VTA1: variants seen among roughly 807,000 people sequenced by gnomAD.
VTA1 encodes vesicle trafficking 1.
VTA1 carries 24 observed loss-of-function variants against 36.9 expected under a neutral mutation model. The observed-to-expected ratio is 0.65, with a 90% CI of 0.47 to 0.91. VTA1 has a LOEUF of 0.91. Among genes scored for constraint, VTA1 ranks in the 40% least tolerant of loss-of-function variants. The probability of loss-of-function intolerance (pLI) is 0.00; values close to 1 mark genes in which losing one functional copy is unlikely to be tolerated. For missense variants in VTA1, 393 were observed against 377.2 expected (o/e 1.04, Z -0.35); for synonymous variants, 142 against 130.2 (o/e 1.09, Z -0.62).
At chr6:142,152,610 G>A (rs1463311347) in intron 1 of VTA1, among the ~76,000 whole-genome samples, 2 of 151,924 alleles carry the variant, frequency 1.3e-5, no homozygotes, top group Non-Finnish European at 2.9e-5. Flanking sequence ...AGTACTTTTT[G>A]TATTTTAAAA....
intron 4 of VTA1, among the ~76,000 whole-genome samples, chr6:142,177,959 G>A (rs1396993851): frequency 6.6e-6 from 1 of 152,098 alleles, no homozygotes; most frequent in Non-Finnish European, 1.5e-5. Context: ...GTATTTGGGA[G>A]TCTAACATGT....
rs1030731369 is a variant in VTA1, at chr6:142,204,237, G to A, written c.778+172G>A. 2.1e-4 allele frequency among the ~76,000 whole-genome samples: 32 copies of A among 152,076 alleles called. 1 individual carries two copies. Among genetic ancestry groups the A allele is most frequent in the Non-Finnish European group, 2.9e-5 (2 of 67,994 alleles). ...TTATGTTCACTAGATTCTCAAATGA[G>A]CCAGGATTGTTTGACTTTAAAAATA... On this transcript the variant is annotated intron_variant, in intron 7 of 7. Transcript: ENST00000367630.
intron 1 of VTA1, among the ~76,000 whole-genome samples, chr6:142,147,853 A>G (rs931829547): frequency 6.6e-6 from 1 of 152,260 alleles, no homozygotes; most frequent in Non-Finnish European, 1.5e-5. Flanking sequence ...AAGCCCAATC[A>G]GAAACTCATT....
At chr6:142,162,991 A>G (rs763339645) in intron 1 of VTA1, among the ~76,000 whole-genome samples, 3 of 152,202 alleles carry the variant, frequency 2.0e-5, no homozygotes, top group Non-Finnish European at 4.4e-5. Flanking sequence ...GAGAGCACAT[A>G]AAATTGTTGG....
In VTA1 at chr6:142,190,047, G is replaced by A. The variant is rs760116275; in HGVS notation, c.520+513G>A. On this transcript the variant is annotated intron_variant, in intron 5 of 7. Transcript: ENST00000367630. ...GCTGGGATTACAGGCGTGAGCCACC[G>A]TACCTGGCCTCCTACTTTTAATCAG... Among the ~76,000 whole-genome samples the A allele has an allele frequency of 5.3e-5, 8 of 152,092 alleles. 1 individual carries two copies. The South Asian group carries it at 6.2e-4, about 12-fold the overall frequency.
intron 4 of VTA1, among the ~76,000 whole-genome samples, chr6:142,177,894 A>G (rs763826842): frequency 6.6e-6 from 1 of 152,146 alleles, no homozygotes; most frequent in Middle Eastern, 3.2e-3. Context: ...TGGCTTATAT[A>G]TTTACTTTGT....
intron 4 of VTA1, among the ~76,000 whole-genome samples, chr6:142,179,813 G>A (rs921249507): frequency 1.3e-5 from 2 of 152,204 alleles, no homozygotes; most frequent in Admixed American, 1.3e-4. Context: ...TTATTGATAG[G>A]TTTGGTTTAT....
chr6:142,147,482 G>A, intron 1 of VTA1, 83 bp downstream of exon 1: 1 of 1,367,796 alleles, frequency 7.3e-7, no homozygotes, highest in Non-Finnish European at 1.0e-6. Flanking sequence ...CTTGGGGCAT[G>A]CCCCGCCCCC....
chr6:142,147,695 GCTT>G (rs1174026144), intron 1 of VTA1, among the ~76,000 whole-genome samples: 1 of 152,250 alleles, frequency 6.6e-6, no homozygotes, highest in Non-Finnish European at 1.5e-5. Context: ...ACACACAAGA[GCTT>G]CTTGTCTCAA....
In VTA1 at chr6:142,219,214, T is replaced by G. The variant is rs1450043707; in HGVS notation, c.*571T>G. The G allele has an allele frequency of 2.0e-5, 3 of 152,186 alleles. No individual in the cohort carries two copies. The highest frequency in any genetic ancestry group is 2.0e-4 in the Admixed American group (3 of 15,280). 9.4% of individuals were successfully genotyped at this position (152,186 alleles called of 1,614,324 possible). A position where few individuals can be genotyped will look rare whatever the true frequency, so the allele number is the denominator to read the frequency against. ...TATAACTCCATTAAAAGTTTAAAATTTCATGGGAGAAAATATAATAAGGTA... is the reference window on the plus strand; with the variant it reads ...TATAACTCCATTAAAAGTTTAAAATGTCATGGGAGAAAATATAATAAGGTA... On this transcript the variant is annotated 3_prime_UTR_variant, in exon 8 of 8. Transcript: ENST00000367630.
chr6:142,165,137 C>T (rs1050183321), intron 1 of VTA1, among the ~76,000 whole-genome samples: 2 of 152,136 alleles, frequency 1.3e-5, no homozygotes, highest in Admixed American at 6.5e-5. Flanking sequence ...AAATATCTAA[C>T]AGTTTTTTAG....
intron 5 of VTA1, among the ~76,000 whole-genome samples, chr6:142,191,783 A>G (rs1158276510): frequency 6.6e-6 from 1 of 152,112 alleles, no homozygotes; most frequent in Non-Finnish European, 1.5e-5. Context: ...CTATATATCT[A>G]CAAGATATAA....
chr6:142,163,118 T>C (rs1412516250), intron 1 of VTA1, among the ~76,000 whole-genome samples: 2 of 152,166 alleles, frequency 1.3e-5, no homozygotes, highest in Non-Finnish European at 2.9e-5. Flanking sequence ...GGATTTACTC[T>C]TTCATGTAAA....
chr6:142,170,545 G>T, intron 4 of VTA1, 124 bp downstream of exon 4: 1 of 620,504 alleles, frequency 1.6e-6, no homozygotes. Context: ...AGCAAAAAAT[G>T]TAATTTTGCA....
At chr6:142,196,459 T>C (rs1775553622) in intron 5 of VTA1, among the ~76,000 whole-genome samples, 1 of 152,218 alleles carries the variant, frequency 6.6e-6, no homozygotes, top group Non-Finnish European at 1.5e-5. Context: ...TTATTCTGTC[T>C]CTCAACCCCT....
At chr6:142,198,119 A>ATGTGTGTGTGTGTG (rs71021658) in intron 5 of VTA1, among the ~76,000 whole-genome samples, 74 of 98,230 alleles carry the variant, frequency 7.5e-4, no homozygotes, top group East Asian at 3.6e-3. Flanking sequence ...ATATATATAT[A>ATGTGTGTGTGTGTG]TGTGTGTGTG....
intron 4 of VTA1, among the ~76,000 whole-genome samples, chr6:142,179,451 C>T (rs1160100447): frequency 6.6e-6 from 1 of 151,700 alleles, no homozygotes; most frequent in East Asian, 1.9e-4. Context: ...CATAATAGCC[C>T]AAAGCTAGAA....
intron 5 of VTA1, among the ~76,000 whole-genome samples, chr6:142,192,063 T>C (rs993523124): frequency 9.9e-5 from 15 of 152,102 alleles, no homozygotes; most frequent in African/African-American, 3.6e-4. Context: ...CAATACTATG[T>C]ATTAAGTTCT....
intron 7 of VTA1, among the ~76,000 whole-genome samples, chr6:142,209,834 A>G (rs1408273374): frequency 6.6e-6 from 1 of 152,148 alleles, no homozygotes; most frequent in African/African-American, 2.4e-5. Flanking sequence ...TACTACCCAA[A>G]GCAATCTACA....
Sources: allele counts gnomAD v4.1 joint callset (sites outside exome capture counted in the v4.1 genomes callset), GRCh38; gene constraint gnomAD v4.1.1; transcripts MANE v1.5; gene names NCBI Gene and HGNC (gene_info 2026-07-23, HGNC 2026-07-21).